Variants in QSER1 observed in about 807,000 individuals in gnomAD.
QSER1 encodes the protein glutamine and serine-rich protein 1.
In QSER1, 49 loss-of-function variants were observed where a neutral mutation model predicts 158.5. That is an observed-to-expected ratio of 0.31 (90% CI 0.25 to 0.39). The LOEUF is 0.39. QSER1 is among the 10% of genes least tolerant of loss of function. The pLI is 1.00. For missense variants in QSER1, 1,754 were observed against 2,010.3 expected (o/e 0.87, Z 2.44); for synonymous variants, 650 against 715.5 (o/e 0.91, Z 1.46).
At chr11:32,975,477 A>C (rs1460398182) in intron 12 of QSER1, 134 bp downstream of exon 12, 1 of 1,509,260 alleles carries the variant, frequency 6.6e-7, no homozygotes, top group Non-Finnish European at 8.9e-7. Flanking sequence ...TATTCTGTAA[A>C]TAATGACTTG....
chr11:32,918,001 T>C (rs192787662), intron 1 of QSER1, among the ~76,000 whole-genome samples: 5 of 152,232 alleles, frequency 3.3e-5, no homozygotes, highest in Non-Finnish European at 5.9e-5. Context: ...AAGTCTCAGA[T>C]AATTCAGTTT....
chr11:32,904,592 A>T (rs1851667588), intron 1 of QSER1, among the ~76,000 whole-genome samples: 1 of 147,480 alleles, frequency 6.8e-6, no homozygotes, highest in African/African-American at 2.5e-5. Flanking sequence ...TGGTTTCAGC[A>T]TATCCACTCT....
chr11:32,921,436 C>T (rs751211431), intron 1 of QSER1, among the ~76,000 whole-genome samples: 13 of 152,132 alleles, frequency 8.5e-5, no homozygotes, highest in Non-Finnish European at 1.8e-4. Flanking sequence ...GACAGTTGGA[C>T]AAGTCTGAAT....
intron 8 of QSER1, among the ~76,000 whole-genome samples, chr11:32,962,030 C>T (rs955574170): frequency 6.6e-6 from 1 of 152,128 alleles, no homozygotes; most frequent in South Asian, 2.1e-4. Context: ...ACATAATAAT[C>T]CTATGTTTAG....
intron 1 of QSER1, among the ~76,000 whole-genome samples, chr11:32,907,764 A>G (rs772750169): frequency 3.0e-4 from 45 of 152,312 alleles, no homozygotes; most frequent in Admixed American, 9.8e-4. Context: ...AGTACATGCA[A>G]ACACAAAATA....
chr11:32,916,349 C>T (rs2133517725), intron 1 of QSER1, among the ~76,000 whole-genome samples: 1 of 152,220 alleles, frequency 6.6e-6, no homozygotes, highest in Non-Finnish European at 1.5e-5. Context: ...AATAAAGAAC[C>T]ACATACCCAG....
chr11:32,963,419 G>A (rs538218368), intron 8 of QSER1, among the ~76,000 whole-genome samples: 30 of 151,882 alleles, frequency 2.0e-4, no homozygotes, highest in African/African-American at 7.0e-4. Flanking sequence ...GCAGTGGCGC[G>A]ATCTCGGCTC....
rs925193758 is a variant in QSER1 at position 32,942,409 on chromosome 11, A to G, written c.4177+6974A>G. On this transcript the variant is annotated intron_variant, in intron 4 of 12. Transcript: ENST00000650167. ...TAATCCATCTTGAATTGATTTTTGT[A>G]TAAGGTGTAAGGAAGGGATCCAGTT... 5.5e-5 allele frequency among the ~76,000 whole-genome samples: 8 copies of G among 144,920 alleles called. No homozygotes were observed. In the East Asian group the frequency reaches 8.1e-4, roughly 15 times the overall value.
intron 1 of QSER1, among the ~76,000 whole-genome samples, chr11:32,911,927 T>C (rs1441620200): frequency 6.6e-6 from 1 of 152,198 alleles, no homozygotes; most frequent in Non-Finnish European, 1.5e-5. Flanking sequence ...GTACTTCAGT[T>C]GAGTTGCAAG....
At chr11:32,903,052 CAGAA>C (rs1206669331) in intron 1 of QSER1, among the ~76,000 whole-genome samples, 1 of 152,062 alleles carries the variant, frequency 6.6e-6, no homozygotes, top group Non-Finnish European at 1.5e-5. Flanking sequence ...CAAATGAAGT[CAGAA>C]AGAGGTTTAA....
intron 4 of QSER1, among the ~76,000 whole-genome samples, chr11:32,945,507 G>A: frequency 6.6e-6 from 1 of 152,012 alleles, no homozygotes; most frequent in East Asian, 1.9e-4. Context: ...GCTTAGTTTG[G>A]CTGGGTATGA....
chr11:32,968,200 T>A (rs1232277268), intron 9 of QSER1, among the ~76,000 whole-genome samples: 1 of 152,186 alleles, frequency 6.6e-6, no homozygotes, highest in Admixed American at 6.5e-5. Flanking sequence ...TTAGAACAGA[T>A]TGAATCACTA....
At chr11:32,975,737 T>C (rs1051002625) in intron 12 of QSER1, 89 of 817,562 alleles carry the variant, frequency 1.1e-4, no homozygotes, top group East Asian at 9.0e-5. Context: ...TCCCACTTAA[T>C]TGCAGAGAAG....
intron 1 of QSER1, among the ~76,000 whole-genome samples, chr11:32,923,742 G>A (rs1427351193): frequency 2.0e-5 from 3 of 151,952 alleles, no homozygotes; most frequent in African/African-American, 7.3e-5. Flanking sequence ...GGCCAAGGCG[G>A]GTGGATCACG....
Position 32,935,232 on chromosome 11 carries a change from C to T in QSER1, c.3974C>T (p.Ser1325Leu), listed in dbSNP as rs1292688057. ...TFCPPPLPKP[S>L]STTPTPLVSE... ...TGTCCCCCACCACTTCCCAAGCCTT[C>T]ATCTACAACACCCACACCTTTAGTG... The change falls in exon 4 of 13, where the codon TCA becomes TTA. Residue 1325 changes from serine (S) to leucine (L), a missense_variant. Ser to Leu is a moderately radical substitution (Grantham distance 145). Around this residue, in one of 2 missense-constraint regions of QSER1, gnomAD observed 1,707 missense variants for 1,919.6 expected, o/e 0.89. Coordinates refer to ENST00000650167, the MANE Select transcript of QSER1 (RefSeq NM_001076786.3). The T allele has an allele frequency of 1.2e-6, 2 of 1,613,876 alleles. No homozygotes were observed. Among genetic ancestry groups the T allele is most frequent in the African/African-American group, 2.7e-5 (2 of 74,930 alleles).
chr11:32,940,480 G>A (rs1852213353), intron 4 of QSER1, among the ~76,000 whole-genome samples: 2 of 152,036 alleles, frequency 1.3e-5, no homozygotes, highest in South Asian at 4.1e-4. Flanking sequence ...GTCTTAATCT[G>A]ACTCACTTTT....
chr11:32,896,623 A>G (rs1419978582), intron 1 of QSER1, among the ~76,000 whole-genome samples: 1 of 152,202 alleles, frequency 6.6e-6, no homozygotes, highest in East Asian at 1.9e-4. Context: ...TCCTGACCTC[A>G]GGTGATCCGC....
At chr11:32,971,005 T>C (rs1343355280) in intron 10 of QSER1, among the ~76,000 whole-genome samples, 2 of 129,958 alleles carry the variant, frequency 1.5e-5, no homozygotes, top group Non-Finnish European at 3.1e-5. Context: ...TAGGCTGAAG[T>C]GCAGTGGCGC....
At chr11:32,971,810 T>C (rs944327410) in intron 10 of QSER1, among the ~76,000 whole-genome samples, 1 of 152,078 alleles carries the variant, frequency 6.6e-6, no homozygotes, top group African/African-American at 2.4e-5. Flanking sequence ...ACGCCTGAAA[T>C]CCCAGCACTT....
Sources: allele counts gnomAD v4.1 joint callset (sites outside exome capture counted in the v4.1 genomes callset), GRCh38; gene constraint gnomAD v4.1.1; regional missense constraint gnomAD v4.1.1; transcripts MANE v1.5; gene names NCBI Gene and HGNC (gene_info 2026-07-23, HGNC 2026-07-21).